Variants in CTNNA2 observed in about 807,000 individuals in gnomAD.
CTNNA2 encodes catenin alpha 2, also known as catenin alpha-2.
A neutral mutation model predicts 101.0 loss-of-function variants in CTNNA2; 42 were observed. That is an observed-to-expected ratio of 0.42 (90% CI 0.32 to 0.54). CTNNA2 has a LOEUF of 0.54. CTNNA2 is among the 20% of genes least tolerant of loss of function. CTNNA2 has a pLI of 0.14. For missense variants in CTNNA2, 871 were observed against 1,223.1 expected (o/e 0.71, Z 4.29); for synonymous variants, 450 against 456.4 (o/e 0.99, Z 0.18).
intron 7 of CTNNA2, among the ~76,000 whole-genome samples, chr2:80,240,587 T>C (rs1225964382): frequency 6.6e-6 from 1 of 152,162 alleles, no homozygotes; most frequent in African/African-American, 2.4e-5. Context: ...TGTGTCCAAA[T>C]CTTTGTTTCT....
At chr2:79,621,926 C>G (rs904502490) in intron 1 of CTNNA2, among the ~76,000 whole-genome samples, 2 of 152,096 alleles carry the variant, frequency 1.3e-5, no homozygotes, top group Admixed American at 6.5e-5. Flanking sequence ...TACAAAATAC[C>G]TGATGAGTAT....
chr2:80,624,745 C>T (rs1458804608), intron 18 of CTNNA2, among the ~76,000 whole-genome samples: 2 of 151,836 alleles, frequency 1.3e-5, no homozygotes, highest in Non-Finnish European at 2.9e-5. Context: ...TCAGTGTCTT[C>T]TCTTGGGTAT....
chr2:80,505,756 T>G (rs1364268476), intron 9 of CTNNA2, among the ~76,000 whole-genome samples: 1 of 152,224 alleles, frequency 6.6e-6, no homozygotes, highest in Non-Finnish European at 1.5e-5. Context: ...GCAGATACCT[T>G]GTTAACTCAC....
intron 2 of CTNNA2, among the ~76,000 whole-genome samples, chr2:79,665,527 A>G (rs984896528): frequency 1.2e-4 from 19 of 152,278 alleles, no homozygotes; most frequent in African/African-American, 4.6e-4. Context: ...GAGAAATGGG[A>G]CTGTCTCTTG....
At chr2:80,277,134 T>C (rs1174012853) in intron 7 of CTNNA2, among the ~76,000 whole-genome samples, 1 of 152,094 alleles carries the variant, frequency 6.6e-6, no homozygotes, top group Non-Finnish European at 1.5e-5. Context: ...ATAAAAGGTA[T>C]ACCTCAGGAA....
chr2:79,585,182 A>C, intron 1 of CTNNA2, among the ~76,000 whole-genome samples: 1 of 151,928 alleles, frequency 6.6e-6, no homozygotes, highest in Admixed American at 6.6e-5. Flanking sequence ...TATATATAAA[A>C]TTTTTCTTTT....
intron 7 of CTNNA2, among the ~76,000 whole-genome samples, chr2:80,049,583 C>T (rs1300464821): frequency 6.6e-6 from 1 of 152,172 alleles, no homozygotes; most frequent in East Asian, 1.9e-4. Context: ...AACCTCTTCA[C>T]ACATGTTCAC....
At chr2:79,791,446 G>A (rs1207751399) in intron 3 of CTNNA2, among the ~76,000 whole-genome samples, 1 of 152,064 alleles carries the variant, frequency 6.6e-6, no homozygotes, top group Non-Finnish European at 1.5e-5. Context: ...AATAATAATG[G>A]GTTAGGATAA....
chr2:79,349,019 A>G (rs1677325165), intron 3 of CTNNA2, among the ~76,000 whole-genome samples: 1 of 152,246 alleles, frequency 6.6e-6, no homozygotes, highest in Non-Finnish European at 1.5e-5. Context: ...TCAATACAAT[A>G]TTAAGATAGA....
intron 3 of CTNNA2, among the ~76,000 whole-genome samples, chr2:79,765,203 A>G (rs7569286): frequency 0.027 from 4,093 of 152,288 alleles, 197 homozygotes; most frequent in African/African-American, 0.091. Context: ...TATTTTTTCC[A>G]GTGCTTATCT....
intron 2 of CTNNA2, among the ~76,000 whole-genome samples, chr2:79,258,558 G>A (rs908032429): frequency 2.6e-5 from 4 of 152,216 alleles, no homozygotes; most frequent in South Asian, 4.2e-4. Flanking sequence ...AATGATTGGA[G>A]CTCTCTTCTA....
intron 4 of CTNNA2, among the ~76,000 whole-genome samples, chr2:79,444,031 G>A (rs183726386): frequency 1.3e-5 from 2 of 151,896 alleles, no homozygotes; most frequent in Admixed American, 1.3e-4. Flanking sequence ...GAAGAACTGA[G>A]GTTCTCAGGC....
intron 3 of CTNNA2, among the ~76,000 whole-genome samples, chr2:79,808,340 G>A (rs143057432): frequency 1.1e-3 from 163 of 152,224 alleles, no homozygotes; most frequent in Middle Eastern, 6.8e-3. Flanking sequence ...ATATGTTGGC[G>A]AGGCCAATGA....
intron 9 of CTNNA2, among the ~76,000 whole-genome samples, chr2:80,535,898 A>G (rs1408140064): frequency 6.6e-6 from 1 of 152,168 alleles, no homozygotes; most frequent in Admixed American, 6.5e-5. Flanking sequence ...GACAACTCCT[A>G]CAATATTCTT....
intron 1 of CTNNA2, among the ~76,000 whole-genome samples, chr2:79,562,110 T>C (rs1674817909): frequency 6.6e-6 from 1 of 152,018 alleles, no homozygotes; most frequent in African/African-American, 2.4e-5. Context: ...TTTATAGATT[T>C]TTGATCAATT....
At chr2:79,506,807 G>A (rs1671423036) in intron 5 of CTNNA2, among the ~76,000 whole-genome samples, 1 of 152,176 alleles carries the variant, frequency 6.6e-6, no homozygotes, top group Non-Finnish European at 1.5e-5. Context: ...AGGACTGTTT[G>A]TGAAATATTT....
At chr2:79,592,741 C>A (rs537761334) in intron 1 of CTNNA2, among the ~76,000 whole-genome samples, 1 of 152,290 alleles carries the variant, frequency 6.6e-6, no homozygotes, top group East Asian at 1.9e-4. Context: ...AGTGCCCAGT[C>A]CTCTGCTGGC....
chr2:79,270,031 T>C (rs1474453198), intron 2 of CTNNA2, among the ~76,000 whole-genome samples: 1 of 152,116 alleles, frequency 6.6e-6, no homozygotes, highest in African/African-American at 2.4e-5. Context: ...CCCCACTTAT[T>C]GTCTGTGATT....
chr2:80,286,773 G>A (rs1213588866), intron 7 of CTNNA2, among the ~76,000 whole-genome samples: 7 of 152,184 alleles, frequency 4.6e-5, no homozygotes, highest in African/African-American at 1.7e-4. Context: ...ATCATTGGAA[G>A]ACTTTGCTAC....
Sources: allele counts gnomAD v4.1 joint callset (sites outside exome capture counted in the v4.1 genomes callset), GRCh38; gene constraint gnomAD v4.1.1; transcripts MANE v1.5; gene names NCBI Gene and HGNC (gene_info 2026-07-23, HGNC 2026-07-21).